Variants in ANKRD24 observed in about 807,000 individuals in gnomAD.
The protein encoded by ANKRD24 is ankyrin repeat domain 24.
Under a neutral mutation model 127.8 loss-of-function variants are expected in ANKRD24, and 109 were observed. The observed-to-expected ratio is 0.85, with a 90% CI of 0.73 to 1.00. The LOEUF (loss-of-function observed/expected upper bound fraction) is 1.00, where lower values mean the gene tolerates loss of function less well. Ranked by LOEUF, ANKRD24 falls within the 50% of genes least tolerant of loss-of-function variation. The probability of loss-of-function intolerance (pLI) is 0.00; values close to 1 mark genes in which losing one functional copy is unlikely to be tolerated. For missense variants in ANKRD24, 1,648 were observed against 1,570.2 expected, an observed-to-expected ratio of 1.05 and a Z score of -0.84; for synonymous variants, 743 against 671.1, an observed-to-expected ratio of 1.11 and a Z score of -1.66.
intron 12 of ANKRD24, 57 bp from the exon 13 acceptor site, chr19:4,210,208 A>G: frequency 1.9e-6 from 3 of 1,562,368 alleles, no homozygotes; most frequent in Non-Finnish European, 2.6e-6. Context: ...TCTGGCTGAG[A>G]CCTGGGATGG....
At chr19:4,211,823 T>C (rs1969758420) in intron 13 of ANKRD24, among the ~76,000 whole-genome samples, 1 of 152,108 alleles carries the variant, frequency 6.6e-6, no homozygotes, top group Non-Finnish European at 1.5e-5. Flanking sequence ...CTGGTCAGAA[T>C]GGTGCATGCT....
At chr19:4,183,685 A>G (rs4359565) in intron 1 of ANKRD24, among the ~76,000 whole-genome samples, 9,821 of 152,072 alleles carry the variant, frequency 0.065, 732 homozygotes, top group East Asian at 0.19. Flanking sequence ...AGGCCAAGGC[A>G]GGTGGATCAC....
intron 20 of ANKRD24, among the ~76,000 whole-genome samples, chr19:4,223,808 C>T (rs1042037796): frequency 6.6e-6 from 1 of 151,988 alleles, no homozygotes; most frequent in African/African-American, 2.4e-5. Context: ...CTGTTATCCG[C>T]CCGCCTTGGC....
At chr19:4,193,791 C>G (rs536818720) in intron 2 of ANKRD24, among the ~76,000 whole-genome samples, 1 of 129,126 alleles carries the variant, frequency 7.7e-6, no homozygotes, top group African/African-American at 2.9e-5. Flanking sequence ...GAGCAGAGAT[C>G]ATGCCACTGT....
In ANKRD24 at chr19:4,195,139, T is replaced by TC. The variant is rs1968634200; in HGVS notation, c.37-4544_37-4543insC. ...CCAGGTTGGAGTGCAGTGGCACGACTTCTGCTCACTGCAAGCTCCGCCTCC... is the reference window on the plus strand; with the variant it reads ...CCAGGTTGGAGTGCAGTGGCACGACTCTCTGCTCACTGCAAGCTCCGCCTCC... On this transcript the variant is annotated intron_variant, in intron 2 of 21. Coordinates refer to ENST00000318934, the MANE Select transcript of ANKRD24 (RefSeq NM_001393985.1). This position sits in a 1 kb window ranked among gnomAD's most constrained non-coding sequence, Gnocchi z 4.2. Among the ~76,000 whole-genome samples the TC allele has an allele frequency of 6.6e-6, 1 of 150,680 alleles. No homozygotes were observed. Among genetic ancestry groups the TC allele is most frequent in the Admixed American group, 6.7e-5 (1 of 14,994 alleles).
At chr19:4,197,257 C>CGAAT (rs1241029218) in intron 2 of ANKRD24, among the ~76,000 whole-genome samples, 1 of 151,620 alleles carries the variant, frequency 6.6e-6, no homozygotes, top group Non-Finnish European at 1.5e-5. Context: ...TCCCCAGTGG[C>CGAAT]GAATGAATGA....
chr19:4,216,355 G>T lies in ANKRD24; in HGVS notation c.1342G>T (p.Val448Leu). Residue 448 changes from valine to leucine, a missense_variant, in exon 17 of 22, where the codon GTG becomes TTG. By Grantham distance (32) the Val-to-Leu change is conservative (BLOSUM62 1). Coordinates refer to ENST00000318934, the MANE Select transcript of ANKRD24 (RefSeq NM_001393985.1). ...ACACCTGGCCTCGCTGCAGGAACAG[G>T]TGGCTGTGCTCACCAGACAGAACCA... ...QEHLASLQEQ[V>L]AVLTRQNQEL... is the part of the protein sequence containing the mutation. The T allele has an allele frequency of 6.4e-7, 1 of 1,573,972 alleles. No individual in the cohort carries two copies. Among genetic ancestry groups the T allele is most frequent in the South Asian group, 1.2e-5 (1 of 85,530 alleles).
intron 7 of ANKRD24, among the ~76,000 whole-genome samples, chr19:4,205,673 C>A (rs1969339943): frequency 6.6e-6 from 1 of 151,866 alleles, no homozygotes; most frequent in Admixed American, 6.6e-5. Context: ...CATGGCAAAA[C>A]CCCATCTCTA....
At position 4,224,784 on chromosome 19, in the gene ANKRD24, G is replaced by C. The variant is rs570368293; in HGVS notation, c.*279G>C. 7.2e-5 allele frequency: 36 copies of C among 501,332 alleles called. 1 individual carries two copies. The South Asian group carries it at 8.6e-4, about 12-fold the overall frequency. The allele number at this position is 501,332 out of a possible 1,614,324, so 31.1% of individuals were successfully genotyped here. ...CTGTGTCCTCCACATCCAGACGCCA[G>C]CCCAGGAATAAAGGCATTCTGTGCA... On this transcript the variant is annotated 3_prime_UTR_variant, in exon 22 of 22. Coordinates refer to ENST00000318934, the MANE Select transcript of ANKRD24 (RefSeq NM_001393985.1).
At chr19:4,202,322 C>A (rs140767667) in intron 6 of ANKRD24, among the ~76,000 whole-genome samples, 1 of 152,184 alleles carries the variant, frequency 6.6e-6, no homozygotes, top group African/African-American at 2.4e-5. Flanking sequence ...AATCCCAGCA[C>A]TTTGGGAGGC....
intron 15 of ANKRD24, among the ~76,000 whole-genome samples, chr19:4,213,039 G>A (rs1191876293): frequency 6.6e-6 from 1 of 152,158 alleles, no homozygotes; most frequent in Non-Finnish European, 1.5e-5. Flanking sequence ...GCTGAGGCAG[G>A]AGAATCACTT....
In ANKRD24 at chr19:4,216,689, T is replaced by C; in HGVS notation, c.1529T>C (p.Leu510Pro). The C allele has an allele frequency of 1.3e-6, 2 of 1,587,568 alleles. No individual in the cohort carries two copies. The highest frequency in any genetic ancestry group is 1.7e-6 in the Non-Finnish European group (2 of 1,167,412). The part of the protein sequence containing the change: ...RRQHAEALQA[L>P]RQQETREVPR... Reference sequence around the variant, plus strand: ...CAGCACGCTGAGGCCCTGCAGGCCCTGAGGCAGCAGGAGACACGAGAGGTC... The same window carrying C: ...CAGCACGCTGAGGCCCTGCAGGCCCCGAGGCAGCAGGAGACACGAGAGGTC... Residue 510 changes from leucine to proline, a missense_variant, in exon 18 of 22, where the codon CTG becomes CCG. Transcript: ENST00000318934.
intron 7 of ANKRD24, among the ~76,000 whole-genome samples, chr19:4,204,513 C>T (rs1289017492): frequency 6.6e-6 from 1 of 152,018 alleles, no homozygotes; most frequent in Non-Finnish European, 1.5e-5. Flanking sequence ...CTTTGTGGAG[C>T]CCCTAGGAGA....
intron 15 of ANKRD24, among the ~76,000 whole-genome samples, chr19:4,215,272 G>T (rs956550413): frequency 6.6e-6 from 1 of 152,078 alleles, no homozygotes; most frequent in African/African-American, 2.4e-5. Context: ...GATCACCTGA[G>T]GTCAGGAGTC....
At position 4,218,127 on chromosome 19, in the gene ANKRD24, A is replaced by G. The variant is rs1264253132; in HGVS notation, c.2967A>G (p.Gly989=). The change falls in exon 18 of 22, where the codon GGA becomes GGG. Residue 989 remains glycine (G), a synonymous_variant. Transcript: ENST00000318934. ...TGGAGGGGCAGCTGGAGGAGCTGGG[A>G]CGGCGGCATGAGAAGACCAGCGCAG... ...AQLEGQLEEL[G]RRHEKTSAEV... 3 of 1,538,074 alleles carry G rather than the reference A, an allele frequency of 2.0e-6. No homozygotes were observed. Among genetic ancestry groups the G allele is most frequent in the East Asian group, 2.5e-5 (1 of 39,406 alleles).
intron 19 of ANKRD24, 79 bp downstream of exon 19, chr19:4,219,837 C>T (rs1970351567): frequency 7.0e-7 from 1 of 1,426,846 alleles, no homozygotes; most frequent in Non-Finnish European, 9.3e-7. Context: ...AAGGTCCTCA[C>T]TGCAAGGGCC....
At chr19:4,191,027 G>A (rs1319901110) in intron 2 of ANKRD24, among the ~76,000 whole-genome samples, 1 of 152,160 alleles carries the variant, frequency 6.6e-6, no homozygotes, top group Non-Finnish European at 1.5e-5. Context: ...AATTGGATGG[G>A]GACAGGATAG....
In ANKRD24 at chr19:4,216,649, G is replaced by A. The variant is rs535707460; in HGVS notation, c.1489G>A (p.Asp497Asn). 4 of 1,604,520 alleles carry A rather than the reference G, an allele frequency of 2.5e-6. No homozygotes were observed. Among genetic ancestry groups the A allele is most frequent in the Non-Finnish European group, 3.4e-6 (4 of 1,175,680 alleles). The change falls in exon 18 of 22, where the codon GAC (aspartate) becomes AAC (asparagine). Residue 497 changes from aspartate (D) to asparagine (N), a missense_variant. Asp to Asn is a conservative substitution (Grantham distance 23, BLOSUM62 1). Transcript: ENST00000318934. ...CTATGACTCTCTCCGGGCCGAGTTT[G>A]ACCAGCTACGCAGGCAGCACGCTGA... ...ALYDSLRAEF[D>N]QLRRQHAEAL...
rs1394963399 is a variant in ANKRD24, at chr19:4,217,972, C to T, written c.2812C>T (p.Gln938Ter). ...GCGGGGCCGGGCAGCCAGTCTGGAG[C>T]AGGAGGTGGTGGCCACGGGCAAGGA... is the stretch of plus-strand genomic sequence containing the variant. ...ELRGRAASLE[Q>*]EVVATGKEAA... is the part of the protein sequence containing the mutation. Residue 938 changes from glutamine (Q) to a stop codon, truncating the protein, a stop_gained, in exon 18 of 22, where the codon CAG becomes TAG. Transcript: ENST00000318934. LOFTEE classifies it high-confidence loss of function. 6.6e-7 allele frequency: 1 copy of T among 1,519,204 alleles called. No homozygotes were observed. The highest frequency in any genetic ancestry group is 8.8e-7 in the Non-Finnish European group (1 of 1,141,030). The allele number at this position is 1,519,204 out of a possible 1,614,324, so 94.1% of individuals were successfully genotyped here.
Sources: gnomAD v4.1 joint callset for allele counts (sites outside exome capture counted in the v4.1 genomes callset) on GRCh38, gnomAD v4.1.1 for gene constraint, Gnocchi (gnomAD v3.1) non-coding constraint, MANE v1.5 for transcripts, NCBI Gene and HGNC (gene_info 2026-07-23, HGNC 2026-07-21) for gene names.